Variants in RGS5 observed in about 807,000 individuals in gnomAD.
RGS5 encodes the protein regulator of G protein signaling 5, also known as regulator of G-protein signalling 5.
In RGS5, 20 loss-of-function variants were observed where a neutral mutation model predicts 18.9. That is an observed-to-expected ratio of 1.06 (90% CI 0.74 to 1.54). The LOEUF (loss-of-function observed/expected upper bound fraction) is 1.54. Ranked by LOEUF, RGS5 falls within the 40% of genes most tolerant of loss-of-function variation. The pLI is 0.00. For synonymous variants in RGS5, 57 were observed against 76.2 expected (o/e 0.75, Z 1.31); for missense variants, 201 against 211.8 (o/e 0.95, Z 0.32).
intron 2 of RGS5, among the ~76,000 whole-genome samples, chr1:163,245,318 T>C (rs1232982440): frequency 6.6e-6 from 1 of 152,090 alleles, no homozygotes; most frequent in Admixed American, 6.6e-5. Context: ...AAAGCTCACA[T>C]ACTTGTACAA....
intron 1 of RGS5, among the ~76,000 whole-genome samples, chr1:163,194,914 T>C (rs562358221): frequency 3.9e-5 from 6 of 152,224 alleles, no homozygotes; most frequent in African/African-American, 1.2e-4. Context: ...AAATATACGT[T>C]GATAATTAAA....
At chr1:163,178,771 C>G (rs1423141749) in intron 1 of RGS5, among the ~76,000 whole-genome samples, 1 of 152,068 alleles carries the variant, frequency 6.6e-6, no homozygotes, top group Non-Finnish European at 1.5e-5. Context: ...GAGAACTTAC[C>G]ATAAAATGGT....
chr1:163,164,486 C>T (rs1318166225), intron 2 of RGS5, among the ~76,000 whole-genome samples: 2 of 152,234 alleles, frequency 1.3e-5, no homozygotes, highest in Admixed American at 6.5e-5. Context: ...TTTTACTCTA[C>T]TCTTACCACT....
chr1:163,298,771 G>C (rs142537368), intron 2 of RGS5, among the ~76,000 whole-genome samples: 2 of 152,188 alleles, frequency 1.3e-5, no homozygotes, highest in South Asian at 2.1e-4. Flanking sequence ...AGCCACTTAA[G>C]GGAGTTCAGA....
chr1:163,187,918 A>G (rs928147630), intron 1 of RGS5, among the ~76,000 whole-genome samples: 4 of 152,006 alleles, frequency 2.6e-5, no homozygotes, highest in Non-Finnish European at 5.9e-5. Context: ...TGAGCCCTCA[A>G]CCTGTGGGAT....
chr1:163,161,008 G>A (rs1373876635), intron 3 of RGS5, among the ~76,000 whole-genome samples: 2 of 152,186 alleles, frequency 1.3e-5, no homozygotes, highest in Admixed American at 1.3e-4. Flanking sequence ...CAAGTATTAA[G>A]TAGAATAAAA....
intron 1 of RGS5, chr1:163,319,265 T>C (rs1399659542): frequency 6.6e-6 from 1 of 152,206 alleles, no homozygotes; most frequent in Non-Finnish European, 1.5e-5. Flanking sequence ...TCCTGATAGG[T>C]CTGTCATCCA....
At chr1:163,186,922 T>C (rs557244470) in intron 1 of RGS5, among the ~76,000 whole-genome samples, 24 of 152,018 alleles carry the variant, frequency 1.6e-4, no homozygotes, top group Non-Finnish European at 3.1e-4. Flanking sequence ...AATAGACTTT[T>C]ATTACATGCC....
chr1:163,155,152 A>G (rs909485771), intron 3 of RGS5, among the ~76,000 whole-genome samples: 13 of 152,210 alleles, frequency 8.5e-5, no homozygotes, highest in African/African-American at 3.1e-4. Flanking sequence ...TAAGTCTGTG[A>G]CAAATTTATT....
intron 3 of RGS5, among the ~76,000 whole-genome samples, chr1:163,158,834 T>C (rs1343314664): frequency 6.6e-6 from 1 of 152,098 alleles, no homozygotes; most frequent in Non-Finnish European, 1.5e-5. Flanking sequence ...CCGACCAAAA[T>C]TTATTAGGCA....
chr1:163,303,262 C>T (rs1649598247), intron 2 of RGS5, among the ~76,000 whole-genome samples: 1 of 152,154 alleles, frequency 6.6e-6, no homozygotes, highest in African/African-American at 2.4e-5. Context: ...CCAACAAACT[C>T]TTATCAAGTA....
At chr1:163,269,172 G>A (rs1557925886) in intron 2 of RGS5, among the ~76,000 whole-genome samples, 1 of 151,992 alleles carries the variant, frequency 6.6e-6, no homozygotes, top group Non-Finnish European at 1.5e-5. Flanking sequence ...CTGTTTGTGG[G>A]GCTATCTAAA....
At chr1:163,284,552 T>C (rs529099801) in intron 2 of RGS5, among the ~76,000 whole-genome samples, 78 of 152,298 alleles carry the variant, frequency 5.1e-4, no homozygotes, top group Non-Finnish European at 1.1e-3. Context: ...CTTGGTTTCT[T>C]TCTCTCAGAC....
chr1:163,267,616 C>T (rs1391931876), intron 2 of RGS5, among the ~76,000 whole-genome samples: 1 of 152,054 alleles, frequency 6.6e-6, no homozygotes, highest in Non-Finnish European at 1.5e-5. Flanking sequence ...ATCTATATAC[C>T]ACACATGGCA....
chr1:163,218,363 A>G (rs1475563000), upstream of RGS5, among the ~76,000 whole-genome samples: 1 of 152,210 alleles, frequency 6.6e-6, no homozygotes, highest in Non-Finnish European at 1.5e-5. Context: ...ATATTTTTGT[A>G]TCACATTATA....
chr1:163,256,473 A>G (rs1648274877), intron 2 of RGS5, among the ~76,000 whole-genome samples: 1 of 152,198 alleles, frequency 6.6e-6, no homozygotes, highest in Non-Finnish European at 1.5e-5. Flanking sequence ...AGAAGGAGGA[A>G]GAAGCTGATG....
At chr1:163,243,500 AGCCGG>A (rs540942765) in intron 2 of RGS5, among the ~76,000 whole-genome samples, 229 of 151,974 alleles carry the variant, frequency 1.5e-3, no homozygotes, top group African/African-American at 5.4e-3. Context: ...ACAAAAAATT[AGCCGG>A]GCTTGGTGGC....
rs1158330392 is a variant in RGS5, at chr1:163,145,430, A to G, written c.*1912T>C. ...TTATTAACTTGGGGGCAATGTAGACATATGTTGAAGCTGGTTCTGGAAGTG... is the reference window on the plus strand; with the variant it reads ...TTATTAACTTGGGGGCAATGTAGACGTATGTTGAAGCTGGTTCTGGAAGTG... On this transcript the variant is annotated 3_prime_UTR_variant, in exon 5 of 5. Transcript: ENST00000313961. 1 of 152,184 alleles carries G rather than the reference A, an allele frequency of 6.6e-6. No homozygotes were observed. The highest frequency in any genetic ancestry group is 1.5e-5 in the Non-Finnish European group (1 of 68,032). 9.4% of individuals were successfully genotyped at this position (152,184 alleles called of 1,614,324 possible).
At chr1:163,195,008 A>G (rs1342681740) in intron 1 of RGS5, among the ~76,000 whole-genome samples, 4 of 152,168 alleles carry the variant, frequency 2.6e-5, no homozygotes, top group African/African-American at 7.2e-5. Context: ...AATTAGTACA[A>G]CCTCTATGGA....
Sources: allele counts gnomAD v4.1 joint callset (sites outside exome capture counted in the v4.1 genomes callset), GRCh38; gene constraint gnomAD v4.1.1; transcripts MANE v1.5; gene names NCBI Gene and HGNC (gene_info 2026-07-23, HGNC 2026-07-21).